Variants in SHQ1 observed in about 807,000 individuals in gnomAD.
The protein encoded by SHQ1 is protein SHQ1 homolog.
A neutral mutation model predicts 53.8 loss-of-function variants in SHQ1; 49 were observed. The ratio of observed to expected loss-of-function variants is 0.91; its 90% CI spans 0.72 to 1.16. The LOEUF is 1.16. Ranked by LOEUF, SHQ1 falls within the 50% of genes most tolerant of loss-of-function variation. SHQ1 has a pLI of 0.00. For missense variants in SHQ1, 738 were observed against 683.1 expected, an observed-to-expected ratio of 1.08 and a Z score of -0.90; for synonymous variants, 243 against 251.0, an observed-to-expected ratio of 0.97 and a Z score of 0.30.
In SHQ1 at chr3:72,750,270, A is replaced by C. The variant is rs1278469671; in HGVS notation, c.*14T>G. ...CTACCATATTTCTCAACAATGAATA[A>C]AACCACCTAAGAGTCAATTATTTGG... On this transcript the variant is annotated 3_prime_UTR_variant, in exon 11 of 11. Coordinates refer to ENST00000325599, the MANE Select transcript of SHQ1 (RefSeq NM_018130.3). 11 of 1,563,834 alleles carry C rather than the reference A, an allele frequency of 7.0e-6. No homozygotes were observed. Among genetic ancestry groups the C allele is most frequent in the Non-Finnish European group, 9.5e-6 (11 of 1,153,928 alleles).
intron 9 of SHQ1, among the ~76,000 whole-genome samples, chr3:72,802,945 A>G (rs1706833548): frequency 6.6e-6 from 1 of 152,172 alleles, no homozygotes. Flanking sequence ...ACAATGCGGG[A>G]CATCTCTTAC....
intron 10 of SHQ1, among the ~76,000 whole-genome samples, chr3:72,755,965 C>G (rs1457496588): frequency 6.6e-6 from 1 of 152,210 alleles, no homozygotes; most frequent in Non-Finnish European, 1.5e-5. Context: ...GTGGTGCAAT[C>G]AGCGCTCCCT....
intron 4 of SHQ1, among the ~76,000 whole-genome samples, chr3:72,835,390 C>T (rs1559697547): frequency 6.6e-6 from 1 of 151,966 alleles, no homozygotes; most frequent in East Asian, 1.9e-4. Context: ...CTCCCTGTTA[C>T]TCACTGGCAA....
intron 10 of SHQ1, among the ~76,000 whole-genome samples, chr3:72,752,379 A>G (rs1705403843): frequency 6.6e-6 from 1 of 152,220 alleles, no homozygotes; most frequent in African/African-American, 2.4e-5. Flanking sequence ...ACACAGGATG[A>G]TGGCGTGACG....
chr3:72,814,206 G>A (rs1366433562), intron 8 of SHQ1, among the ~76,000 whole-genome samples: 1 of 152,140 alleles, frequency 6.6e-6, no homozygotes, highest in Non-Finnish European at 1.5e-5. Flanking sequence ...TTTTCATGTA[G>A]ATTTTTAATA....
Position 72,844,160 on chromosome 3 carries a change from T to C in SHQ1, c.208+199A>G, listed in dbSNP as rs79104533. 6.4e-3 allele frequency among the ~76,000 whole-genome samples: 981 copies of C among 152,278 alleles called. 16 individuals carry two copies. The highest frequency in any genetic ancestry group is 0.022 in the African/African-American group (923 of 41,550). On this transcript the variant is annotated intron_variant, in intron 2 of 10. Transcript: ENST00000325599. ...GCAGTTAACTTTACTTTGAAGAACA[T>C]TGTGAAATACTTTAAAAGACTTGTG...
rs539776494 is a variant in SHQ1, at chr3:72,752,948, C to G, written c.1182-2112G>C. ...AAAGTGCTGGGATTACAGGCGTGAG[C>G]CACCATGACCAGCCGAAGACGCTTT... On this transcript the variant is annotated intron_variant, in intron 10 of 10. Transcript: ENST00000325599. 3.1e-6 allele frequency: 3 copies of G among 983,600 alleles called. No homozygotes were observed. In the South Asian group the frequency reaches 1.4e-4, roughly 46 times the overall value. The allele number at this position is 983,600 out of a possible 1,614,324, so 60.9% of individuals were successfully genotyped here. A position where few individuals can be genotyped will look rare whatever the true frequency, so the allele number is the denominator to read the frequency against.
At chr3:72,803,656 T>C (rs551145672) in intron 9 of SHQ1, among the ~76,000 whole-genome samples, 1 of 152,270 alleles carries the variant, frequency 6.6e-6, no homozygotes, top group African/African-American at 2.4e-5. Flanking sequence ...AAAGTAAATA[T>C]TTTGGCTTTG....
intron 10 of SHQ1, among the ~76,000 whole-genome samples, chr3:72,754,968 A>C (rs2106706735): frequency 6.6e-6 from 1 of 152,302 alleles, no homozygotes; most frequent in Middle Eastern, 3.4e-3. Context: ...ATTGTCTACT[A>C]TACAGATATT....
At chr3:72,819,135 T>G (rs1193229497) in intron 6 of SHQ1, among the ~76,000 whole-genome samples, 1 of 152,232 alleles carries the variant, frequency 6.6e-6, no homozygotes, top group Non-Finnish European at 1.5e-5. Flanking sequence ...TAATTTGTTA[T>G]GCAGCAAGAG....
At chr3:72,732,228 C>T in the SHQ1 span, among the ~76,000 whole-genome samples, 1 of 151,408 alleles carries the variant, frequency 6.6e-6, no homozygotes, top group Non-Finnish European at 1.5e-5. Context: ...TTGGAGGTGC[C>T]CTGGGCAGCT....
At position 72,750,046 on chromosome 3, in the gene SHQ1, T is replaced by C. The variant is rs1305494853; in HGVS notation, c.*238A>G. 1 of 499,878 alleles carries C rather than the reference T, an allele frequency of 2.0e-6. No homozygotes were observed. The highest frequency in any genetic ancestry group is 1.9e-5 in the African/African-American group (1 of 51,414). The allele number at this position is 499,878 out of a possible 1,614,324, so 31.0% of individuals were successfully genotyped here. The stretch of plus-strand genomic sequence containing the variant: ...GTAAATGCTGTGGAAATAGTTGTCA[T>C]ACTGTATTATTTAGAGAATAATAAC... On this transcript the variant is annotated 3_prime_UTR_variant, in exon 11 of 11. Transcript: ENST00000325599.
chr3:72,782,925 C>T (rs62251657), intron 10 of SHQ1, among the ~76,000 whole-genome samples: 31,258 of 152,146 alleles, frequency 0.21, 3,503 homozygotes, highest in Non-Finnish European at 0.24. Flanking sequence ...GTAGAGAATA[C>T]TGGTTTATAA....
intron 1 of SHQ1, among the ~76,000 whole-genome samples, chr3:72,844,776 T>C (rs187529965): frequency 1.7e-4 from 26 of 152,306 alleles, no homozygotes; most frequent in African/African-American, 6.3e-4. Context: ...AGCACCAACA[T>C]GACACCACAA....
rs200718937 is a variant in SHQ1, at chr3:72,848,259, C to T, written c.82G>A (p.Glu28Lys). The T allele has an allele frequency of 9.3e-6, 15 of 1,614,186 alleles. No individual in the cohort carries two copies. In the East Asian group the frequency reaches 2.7e-4, roughly 29 times the overall value. ...AIRVPYARVS[E>K]FDVYFEGSDF... ...GACCCCTCGAAGTAGACGTCGAACT[C>T]GGAGACCCGGGCGTAGGGCACGCGG... Residue 28 changes from glutamate (E) to lysine (K), a missense_variant, in exon 1 of 11, where the codon GAG becomes AAG. Physicochemically the swap from Glu to Lys is moderately conservative, Grantham distance 56. Coordinates refer to ENST00000325599, the MANE Select transcript of SHQ1 (RefSeq NM_018130.3).
rs145253347 is a variant in SHQ1, at chr3:72,830,467, T to C, written c.599+1902A>G. On this transcript the variant is annotated intron_variant, in intron 5 of 10. Transcript: ENST00000325599. Reference sequence around the variant, plus strand: ...TGGTGATAGTAATTTAAAGTGAGCCTTTTTTTCTCCACTGTTTTAACCACT... The same window carrying C: ...TGGTGATAGTAATTTAAAGTGAGCCCTTTTTTCTCCACTGTTTTAACCACT... 6.8e-3 allele frequency among the ~76,000 whole-genome samples: 1,033 copies of C among 152,066 alleles called. 16 individuals are homozygous for C. Among genetic ancestry groups the C allele is most frequent in the African/African-American group, 0.023 (973 of 41,514 alleles).
chr3:72,820,690 T>C (rs1042305376), intron 6 of SHQ1, among the ~76,000 whole-genome samples: 10 of 152,334 alleles, frequency 6.6e-5, no homozygotes, highest in African/African-American at 1.7e-4. Flanking sequence ...AGCATTTGTA[T>C]GACTTAGCTA....
At chr3:72,769,266 AG>A (rs1441920053) in intron 10 of SHQ1, among the ~76,000 whole-genome samples, 1 of 152,214 alleles carries the variant, frequency 6.6e-6, no homozygotes, top group East Asian at 1.9e-4. Flanking sequence ...CGTTATTTCA[AG>A]AGCAGCTATA....
chr3:72,828,854 G>C (rs773650146), intron 5 of SHQ1, among the ~76,000 whole-genome samples: 2 of 152,126 alleles, frequency 1.3e-5, no homozygotes, highest in Non-Finnish European at 2.9e-5. Flanking sequence ...AAAGGAGTTA[G>C]GTACTTTAAG....
Sources: allele counts gnomAD v4.1 joint callset (sites outside exome capture counted in the v4.1 genomes callset), GRCh38; gene constraint gnomAD v4.1.1; transcripts MANE v1.5; gene names NCBI Gene and HGNC (gene_info 2026-07-23, HGNC 2026-07-21).